Variants in DLG2 observed in about 807,000 individuals in gnomAD.
The protein encoded by DLG2 is discs large MAGUK scaffold protein 2.
In DLG2, 45 loss-of-function variants were observed where a neutral mutation model predicts 132.5. That is an observed-to-expected ratio of 0.34 (90% confidence interval 0.27 to 0.44). The LOEUF is 0.44. Ranked by LOEUF, DLG2 falls within the 20% of genes least tolerant of loss-of-function variation. DLG2 has a pLI of 1.00. For synonymous variants in DLG2, 424 were observed against 419.6 expected (o/e 1.01, Z -0.13); for missense variants, 1,045 against 1,196.9 (o/e 0.87, Z 1.87).
At chr11:84,743,444 C>A (rs1373028471) in intron 6 of DLG2, among the ~76,000 whole-genome samples, 1 of 152,114 alleles carries the variant, frequency 6.6e-6, no homozygotes, top group East Asian at 1.9e-4. Flanking sequence ...TGGCTATCAA[C>A]CCATCCATCC....
intron 18 of DLG2, among the ~76,000 whole-genome samples, chr11:83,711,363 C>T (rs776982315): frequency 1.2e-4 from 19 of 152,156 alleles, no homozygotes; most frequent in African/African-American, 4.1e-4. Flanking sequence ...CTCACTTGGA[C>T]GCCTCTGTGG....
intron 9 of DLG2, among the ~76,000 whole-genome samples, chr11:84,135,702 G>A (rs1595913244): frequency 1.3e-5 from 2 of 152,044 alleles, no homozygotes; most frequent in African/African-American, 4.8e-5. Context: ...AGAAGGGAGT[G>A]GTAAGAAATG....
intron 3 of DLG2, among the ~76,000 whole-genome samples, chr11:85,347,240 C>T (rs180713330): frequency 6.6e-6 from 1 of 152,024 alleles, no homozygotes; most frequent in African/African-American, 2.4e-5. Flanking sequence ...CAGAATCATG[C>T]TCCCCCTAAG....
intron 7 of DLG2, among the ~76,000 whole-genome samples, chr11:84,297,151 C>T (rs192708290): frequency 8.9e-5 from 13 of 146,434 alleles, no homozygotes; most frequent in African/African-American, 2.8e-4. Flanking sequence ...AACACCTAGA[C>T]GAGCATGATT....
intron 3 of DLG2, among the ~76,000 whole-genome samples, chr11:85,556,979 T>C (rs2076974915): frequency 6.6e-6 from 1 of 151,696 alleles, no homozygotes; most frequent in Non-Finnish European, 1.5e-5. Context: ...AATAAAAAGC[T>C]CCAAATAAGA....
intron 8 of DLG2, among the ~76,000 whole-genome samples, chr11:84,219,311 T>G (rs1181990706): frequency 6.6e-6 from 1 of 152,194 alleles, no homozygotes. Flanking sequence ...TCTAAATCCT[T>G]TGTACTCATT....
chr11:84,177,079 C>CA (rs1219516407), intron 8 of DLG2, among the ~76,000 whole-genome samples: 3 of 151,986 alleles, frequency 2.0e-5, no homozygotes, highest in African/African-American at 7.2e-5. Context: ...AAACTTACAG[C>CA]AAAAAGCACC....
At chr11:83,495,207 A>G (rs971404351) in intron 21 of DLG2, among the ~76,000 whole-genome samples, 11 of 152,078 alleles carry the variant, frequency 7.2e-5, no homozygotes, top group Non-Finnish European at 1.6e-4. Context: ...GGACATAAAA[A>G]TTACTTCGCC....
chr11:84,111,547 G>T (rs1472926090), intron 9 of DLG2, among the ~76,000 whole-genome samples: 2 of 152,212 alleles, frequency 1.3e-5, no homozygotes, highest in African/African-American at 4.8e-5. Flanking sequence ...CTAAACTGAA[G>T]AATAATCCAA....
intron 6 of DLG2, among the ~76,000 whole-genome samples, chr11:84,999,697 T>C (rs2058028001): frequency 6.6e-6 from 1 of 152,174 alleles, no homozygotes; most frequent in South Asian, 2.1e-4. Context: ...GTGGAGCCTT[T>C]ATATTATGAA....
At chr11:84,017,202 T>A (rs1273082715) in intron 11 of DLG2, among the ~76,000 whole-genome samples, 1 of 152,130 alleles carries the variant, frequency 6.6e-6, no homozygotes, top group African/African-American at 2.4e-5. Context: ...GGGGTATTTT[T>A]AAAATTGTGT....
At chr11:83,829,307 C>G (rs562207870) in intron 17 of DLG2, among the ~76,000 whole-genome samples, 2 of 151,290 alleles carry the variant, frequency 1.3e-5, no homozygotes, top group Non-Finnish European at 2.9e-5. Flanking sequence ...ACCGATTCTC[C>G]TGACTCAGCC....
chr11:84,426,861 T>C (rs1271389700), intron 7 of DLG2, among the ~76,000 whole-genome samples: 6 of 152,064 alleles, frequency 3.9e-5, no homozygotes, highest in South Asian at 2.1e-4. Flanking sequence ...AGTTGGGTGG[T>C]ATATTTTGAA....
At chr11:84,667,498 G>GTTTTTTTTTTTTTT (rs57863742) in intron 6 of DLG2, among the ~76,000 whole-genome samples, 9 of 122,264 alleles carry the variant, frequency 7.4e-5, no homozygotes, top group African/African-American at 9.2e-5. Context: ...TTTGTTTTTT[G>GTTTTTTTTTTTTTT]TTTTTTTTTT....
At chr11:84,659,706 G>C (rs930988689) in intron 6 of DLG2, among the ~76,000 whole-genome samples, 22 of 152,218 alleles carry the variant, frequency 1.4e-4, no homozygotes, top group African/African-American at 5.1e-4. Flanking sequence ...AACCAACTAT[G>C]AGGTATATGA....
chr11:84,738,518 C>T (rs1369506770), intron 6 of DLG2, among the ~76,000 whole-genome samples: 1 of 152,092 alleles, frequency 6.6e-6, no homozygotes, highest in East Asian at 1.9e-4. Context: ...TCTCAATAGA[C>T]ATACACCTCC....
intron 16 of DLG2, among the ~76,000 whole-genome samples, chr11:83,839,486 A>AT (rs2057059925): frequency 6.6e-6 from 1 of 152,196 alleles, no homozygotes; most frequent in Non-Finnish European, 1.5e-5. Context: ...CCTTTAAAGT[A>AT]TTACAAGTCC....
chr11:85,004,823 T>C (rs566261113), intron 6 of DLG2, among the ~76,000 whole-genome samples: 5 of 152,336 alleles, frequency 3.3e-5, no homozygotes, highest in African/African-American at 1.2e-4. Context: ...TGAATGGTAT[T>C]GCCAAGGTTT....
intron 8 of DLG2, among the ~76,000 whole-genome samples, chr11:84,231,881 A>T (rs976977784): frequency 1.3e-5 from 2 of 152,134 alleles, no homozygotes; most frequent in Non-Finnish European, 2.9e-5. Flanking sequence ...ACAATGAAGA[A>T]GAAGATAGCA....
Sources: gnomAD v4.1 joint callset for allele counts (sites outside exome capture counted in the v4.1 genomes callset) on GRCh38, gnomAD v4.1.1 for gene constraint, MANE v1.5 for transcripts, NCBI Gene and HGNC (gene_info 2026-07-23, HGNC 2026-07-21) for gene names.